Variants in SRGAP3 observed in about 807,000 individuals in gnomAD.
SRGAP3 encodes SLIT-ROBO Rho GTPase-activating protein 3.
Under a neutral mutation model 121.1 loss-of-function variants are expected in SRGAP3, and 39 were observed. The observed-to-expected ratio is 0.32, with a 90% CI of 0.25 to 0.42. The LOEUF (loss-of-function observed/expected upper bound fraction) is 0.42. Among genes scored for constraint, SRGAP3 ranks in the 10% least tolerant of loss-of-function variants. SRGAP3 has a pLI of 1.00. For synonymous variants in SRGAP3, 601 were observed against 570.0 expected (o/e 1.05, Z -0.77); for missense variants, 1,213 against 1,470.6 (o/e 0.82, Z 2.86).
intron 3 of SRGAP3, among the ~76,000 whole-genome samples, chr3:9,259,654 C>A (rs1185986865): frequency 6.6e-6 from 1 of 152,080 alleles, no homozygotes; most frequent in Non-Finnish European, 1.5e-5. Flanking sequence ...CTCTCCACAC[C>A]CCACCTCCAC....
chr3:9,288,646 C>T (rs1221964862), intron 3 of SRGAP3, among the ~76,000 whole-genome samples: 1 of 150,800 alleles, frequency 6.6e-6, no homozygotes, highest in Non-Finnish European at 1.5e-5. Flanking sequence ...GTGATCAGAG[C>T]TTACTGCAGC....
intron 21 of SRGAP3, among the ~76,000 whole-genome samples, chr3:8,986,691 T>C (rs775314051): frequency 6.6e-6 from 1 of 152,186 alleles, no homozygotes; most frequent in Non-Finnish European, 1.5e-5. Context: ...CATCCCAGAA[T>C]AGAGGGACTG....
chr3:9,210,404 T>C (rs1240551349), intron 1 of SRGAP3, among the ~76,000 whole-genome samples: 3 of 151,958 alleles, frequency 2.0e-5, no homozygotes, highest in African/African-American at 7.3e-5. Flanking sequence ...GGAGTATCGC[T>C]TGAGCCGAGG....
intron 3 of SRGAP3, among the ~76,000 whole-genome samples, chr3:9,273,934 G>A (rs1232751057): frequency 6.6e-6 from 1 of 151,880 alleles, no homozygotes; most frequent in Non-Finnish European, 1.5e-5. Context: ...GCTCTCAATT[G>A]TATTCCATTG....
chr3:8,990,434 G>A, intron 21 of SRGAP3, 78 bp downstream of exon 21: 2 of 1,522,698 alleles, frequency 1.3e-6, no homozygotes, highest in East Asian at 2.5e-5. Context: ...GGCCAAGGTG[G>A]CTCCCCGCTC....
intron 1 of SRGAP3, among the ~76,000 whole-genome samples, chr3:9,170,915 C>T (rs951218603): frequency 6.6e-6 from 1 of 152,192 alleles, no homozygotes; most frequent in African/African-American, 2.4e-5. Flanking sequence ...AGTGTCCTCA[C>T]GCTCCAGCCT....
At chr3:9,349,082 G>A (rs1319933383) in intron 1 of SRGAP3, 26 of 928,126 alleles carry the variant, frequency 2.8e-5, no homozygotes, top group Admixed American at 6.9e-5. Flanking sequence ...TGGTATTCCC[G>A]TTGTCTATGA....
chr3:9,068,146 C>T (rs1361533715), intron 4 of SRGAP3, among the ~76,000 whole-genome samples: 1 of 152,130 alleles, frequency 6.6e-6, no homozygotes, highest in Non-Finnish European at 1.5e-5. Context: ...TGCTACATCT[C>T]CTTTTTCTAT....
intron 1 of SRGAP3, among the ~76,000 whole-genome samples, chr3:9,188,402 G>C (rs953280973): frequency 2.6e-5 from 4 of 152,216 alleles, no homozygotes; most frequent in African/African-American, 9.6e-5. Flanking sequence ...TGTAGACCTA[G>C]AGAGAAGGGC....
At chr3:9,195,799 TA>T (rs1023071397) in intron 1 of SRGAP3, among the ~76,000 whole-genome samples, 1 of 151,484 alleles carries the variant, frequency 6.6e-6, no homozygotes, top group South Asian at 2.1e-4. Flanking sequence ...CTACAAAAAA[TA>T]AAAAAATTAG....
At chr3:9,265,182 G>A (rs1326518674) in intron 3 of SRGAP3, among the ~76,000 whole-genome samples, 3 of 151,864 alleles carry the variant, frequency 2.0e-5, no homozygotes, top group Non-Finnish European at 2.9e-5. Context: ...TGCAGAAAAC[G>A]GAAACTGGAC....
chr3:8,984,785 G>C lies in SRGAP3; in HGVS notation c.*734C>G. On this transcript the variant is annotated 3_prime_UTR_variant, in exon 22 of 22. Transcript: ENST00000383836. ...CCCACCTCTGGGAGCAGCCTGCTTG[G>C]GGGTACTGCCTGCCCCACCCTTCCT... is the stretch of plus-strand genomic sequence containing the variant. The C allele has an allele frequency of 4.3e-6, 1 of 231,856 alleles. No individual in the cohort carries two copies. Among genetic ancestry groups the C allele is most frequent in the Non-Finnish European group, 8.6e-6 (1 of 116,930 alleles). 14.4% of individuals were successfully genotyped at this position (231,856 alleles called of 1,614,324 possible). A position where few individuals can be genotyped will look rare whatever the true frequency, so the allele number is the denominator to read the frequency against.
intron 1 of SRGAP3, among the ~76,000 whole-genome samples, chr3:9,196,060 C>T (rs1166081314): frequency 1.3e-5 from 2 of 152,094 alleles, no homozygotes; most frequent in African/African-American, 4.8e-5. Context: ...TGGAGGAATC[C>T]CAGGAAGCTT....
intron 17 of SRGAP3, among the ~76,000 whole-genome samples, chr3:9,011,805 C>T (rs1943391997): frequency 7.9e-6 from 1 of 126,818 alleles, no homozygotes; most frequent in Non-Finnish European, 1.7e-5. Context: ...TCAGCCAAGT[C>T]TCCTTTTTTG....
chr3:9,341,094 C>T (rs1955780990), intron 1 of SRGAP3, among the ~76,000 whole-genome samples: 1 of 152,144 alleles, frequency 6.6e-6, no homozygotes, highest in South Asian at 2.1e-4. Context: ...TCTTATAAAG[C>T]CAGAGTCCTA....
chr3:9,164,321 C>T (rs1162665372), intron 1 of SRGAP3, among the ~76,000 whole-genome samples: 3 of 74,304 alleles, frequency 4.0e-5, no homozygotes, highest in Non-Finnish European at 1.4e-4. Context: ...GATGGAGTCT[C>T]ACTCCATTCC....
chr3:9,151,242 G>A (rs1357290577), intron 1 of SRGAP3, among the ~76,000 whole-genome samples: 1 of 152,216 alleles, frequency 6.6e-6, no homozygotes, highest in African/African-American at 2.4e-5. Context: ...CAAGGACTGA[G>A]GAGAATGGGG....
At chr3:9,081,930 G>A (rs1448330762) in intron 3 of SRGAP3, among the ~76,000 whole-genome samples, 3 of 152,180 alleles carry the variant, frequency 2.0e-5, no homozygotes, top group Non-Finnish European at 4.4e-5. Flanking sequence ...GTCTTTGGGA[G>A]GTGATTAGGT....
At chr3:9,240,828 C>T (rs952757870) in intron 1 of SRGAP3, among the ~76,000 whole-genome samples, 3 of 152,142 alleles carry the variant, frequency 2.0e-5, no homozygotes, top group Non-Finnish European at 4.4e-5. Flanking sequence ...CACAGCCGTG[C>T]GGGCAGTTTT....
Sources: allele counts gnomAD v4.1 joint callset (sites outside exome capture counted in the v4.1 genomes callset), GRCh38; gene constraint gnomAD v4.1.1; transcripts MANE v1.5; gene names NCBI Gene and HGNC (gene_info 2026-07-23, HGNC 2026-07-21).